Variants in SGCE observed in about 807,000 individuals in gnomAD.
SGCE encodes epsilon-sarcoglycan.
SGCE carries 26 observed loss-of-function variants against 57.8 expected under a neutral mutation model. The ratio of observed to expected loss-of-function variants is 0.45; its 90% CI spans 0.33 to 0.62. The LOEUF is 0.62. Among genes scored for constraint, SGCE ranks in the 20% least tolerant of loss-of-function variants. The pLI is 0.02. For synonymous variants in SGCE, 183 were observed against 189.5 expected (o/e 0.97, Z 0.28); for missense variants, 468 against 548.6 (o/e 0.85, Z 1.47).
intron 9 of SGCE, among the ~76,000 whole-genome samples, chr7:94,592,632 C>T (rs1797862398): frequency 6.6e-6 from 1 of 152,032 alleles, no homozygotes; most frequent in Non-Finnish European, 1.5e-5. Context: ...TTTAAGAATG[C>T]AAGAGTAATA....
chr7:94,649,152 A>G (rs1004362056), intron 1 of SGCE, among the ~76,000 whole-genome samples: 8 of 152,388 alleles, frequency 5.2e-5, no homozygotes, highest in Admixed American at 5.2e-4. Context: ...ACAATTAGAT[A>G]CAAAGTGAAA....
chr7:94,600,574 CT>C lies in SGCE; in HGVS notation c.1037+71del, dbSNP rs1310281405. 7.8e-6 allele frequency: 9 copies of C among 1,159,826 alleles called. No homozygotes were observed. The African/African-American group carries it at 1.4e-4, about 18-fold the overall frequency. The allele number at this position is 1,159,826 out of a possible 1,614,324, so 71.8% of individuals were successfully genotyped here. A position where few individuals can be genotyped will look rare whatever the true frequency, so the allele number is the denominator to read the frequency against. ...GTTTTATGAACCAAATGAAACTTTG[CT>C]TTTAATGGAATCTTCTATGTTGTTA... is the stretch of plus-strand genomic sequence containing the variant. On this transcript the variant is annotated intron_variant, in intron 7 of 10. Transcript: ENST00000648936.
At chr7:94,647,664 C>A (rs181037597) in intron 1 of SGCE, among the ~76,000 whole-genome samples, 1 of 152,322 alleles carries the variant, frequency 6.6e-6, no homozygotes, top group African/African-American at 2.4e-5. Context: ...TAACATTGTG[C>A]TTACCCTTTT....
chr7:94,589,599 GCATTACCA>G (rs892869533), intron 9 of SGCE: 1 of 152,470 alleles, frequency 6.6e-6, no homozygotes, highest in Non-Finnish European at 1.5e-5. Flanking sequence ...CCCATCACTT[GCATTACCA>G]CCTGGGTTCT....
intron 3 of SGCE, chr7:94,624,966 T>C (rs1435621697): frequency 3.9e-5 from 6 of 151,980 alleles, no homozygotes; most frequent in Admixed American, 2.0e-4. Context: ...AGTTGATGCT[T>C]AATTTTAACA....
At chr7:94,598,089 T>G (rs1798683274) in intron 9 of SGCE, 2 of 156,496 alleles carry the variant, frequency 1.3e-5, no homozygotes, top group Non-Finnish European at 2.9e-5. Context: ...ATGTGGCCAC[T>G]AGGCTACATT....
intron 2 of SGCE, chr7:94,628,635 G>C: frequency 5.1e-6 from 2 of 388,536 alleles, no homozygotes; most frequent in South Asian, 5.3e-5. Context: ...CAGTGATATA[G>C]TTCTGCCAGT....
At chr7:94,644,743 T>A (rs572754626) in intron 1 of SGCE, 6 of 588,116 alleles carry the variant, frequency 1.0e-5, no homozygotes, top group Non-Finnish European at 1.6e-5. Context: ...TTCCCTTCTC[T>A]TACCATCCCC....
chr7:94,650,780 C>G (rs953018178), intron 1 of SGCE, among the ~76,000 whole-genome samples: 9 of 152,170 alleles, frequency 5.9e-5, no homozygotes, highest in Non-Finnish European at 1.3e-4. Flanking sequence ...TGAAATCTAT[C>G]TGTACCTTTA....
chr7:94,606,038 A>G (rs1202606039), intron 5 of SGCE, among the ~76,000 whole-genome samples: 1 of 152,028 alleles, frequency 6.6e-6, no homozygotes, highest in East Asian at 1.9e-4. Context: ...CATGTTGGCT[A>G]GGCTGGTCTC....
At chr7:94,588,652 C>A in intron 10 of SGCE, 37 bp downstream of exon 10, 1 of 1,567,890 alleles carries the variant, frequency 6.4e-7, no homozygotes, top group South Asian at 1.1e-5. Context: ...CTATTAGATT[C>A]ATTCATAAAC....
At chr7:94,607,887 A>T (rs1469355475) in intron 5 of SGCE, among the ~76,000 whole-genome samples, 1 of 152,212 alleles carries the variant, frequency 6.6e-6, no homozygotes, top group Non-Finnish European at 1.5e-5. Flanking sequence ...AAAACTCCTA[A>T]AACTAGTGAG....
At chr7:94,640,778 G>A (rs1416294527) in intron 1 of SGCE, 1 of 152,638 alleles carries the variant, frequency 6.6e-6, no homozygotes, top group African/African-American at 2.4e-5. Flanking sequence ...CTCTGGAGTA[G>A]CTGGGACTAC....
chr7:94,647,982 C>T (rs535227700), intron 1 of SGCE, among the ~76,000 whole-genome samples: 2 of 152,220 alleles, frequency 1.3e-5, no homozygotes, highest in African/African-American at 2.4e-5. Flanking sequence ...TTGTCAACCC[C>T]ACTAGTGTAA....
At chr7:94,587,549 A>T (rs562232172) in intron 10 of SGCE, 1 of 1,318,544 alleles carries the variant, frequency 7.6e-7, no homozygotes, top group Non-Finnish European at 9.6e-7. Context: ...TAGTGGTAGT[A>T]GGGATTCATT....
At chr7:94,633,991 T>C (rs969649024) in intron 1 of SGCE, among the ~76,000 whole-genome samples, 1 of 152,082 alleles carries the variant, frequency 6.6e-6, no homozygotes, top group Non-Finnish European at 1.5e-5. Context: ...AACAACTGAG[T>C]ATAAGACCCT....
chr7:94,599,310 C>A lies in SGCE; in HGVS notation c.1065-347G>T, dbSNP rs568873445. On this transcript the variant is annotated intron_variant, in intron 8 of 10. Coordinates refer to ENST00000648936, the MANE Select transcript of SGCE (RefSeq NM_003919.3). ...TTTTATATTTTTGCTTCTGGTGGGG[C>A]ATTTATAAATACTCACAGAAGTTTC... The A allele has an allele frequency of 1.7e-5, 5 of 287,324 alleles. No homozygotes were observed. The East Asian group carries it at 2.2e-4, about 13-fold the overall frequency. 17.8% of individuals were successfully genotyped at this position (287,324 alleles called of 1,614,324 possible). A position where few individuals can be genotyped will look rare whatever the true frequency, so the allele number is the denominator to read the frequency against.
At chr7:94,642,543 G>A (rs949364903) in intron 1 of SGCE, among the ~76,000 whole-genome samples, 3 of 152,118 alleles carry the variant, frequency 2.0e-5, no homozygotes, top group Non-Finnish European at 4.4e-5. Flanking sequence ...GGAGAGTCTA[G>A]GTAGATGGGT....
In SGCE at chr7:94,601,443, CAAAAAAAAAAAAAAAAA is replaced by C. The variant is rs71123905; in HGVS notation, c.826-603_826-587del. 3.0e-4 allele frequency among the ~76,000 whole-genome samples: 27 copies of C among 89,330 alleles called. No individual in the cohort carries two copies. The East Asian group carries it at 5.8e-3, about 19-fold the overall frequency. 58.6% of individuals were successfully genotyped at this position (89,330 alleles called of 152,430 possible). A position where few individuals can be genotyped will look rare whatever the true frequency, so the allele number is the denominator to read the frequency against. ...GTCTTACTTAATTCTATCCCAGTAT[CAAAAAAAAAAAAAAAAA>C]AAAAAAAAAAAAAAAACTACAACAG... On this transcript the variant is annotated intron_variant, in intron 6 of 10. Transcript: ENST00000648936.
Sources: gnomAD v4.1 joint callset for allele counts (sites outside exome capture counted in the v4.1 genomes callset) on GRCh38, gnomAD v4.1.1 for gene constraint, MANE v1.5 for transcripts, NCBI Gene and HGNC (gene_info 2026-07-23, HGNC 2026-07-21) for gene names.